The following CCDC83 variants were observed in gnomAD, a reference collection of about 807,000 sequenced individuals.
CCDC83 encodes the protein coiled-coil domain containing 83.
In CCDC83, 54 loss-of-function variants were observed where a neutral mutation model predicts 50.1. The ratio of observed to expected loss-of-function variants is 1.08; its 90% CI spans 0.87 to 1.35. CCDC83 has a LOEUF of 1.35. CCDC83 is among the 40% of genes most tolerant of loss of function. The pLI is 0.00. For missense variants in CCDC83, 518 were observed against 473.9 expected (o/e 1.09, Z -0.86); for synonymous variants, 161 against 153.3 (o/e 1.05, Z -0.37).
Position 85,895,638 on chromosome 11 carries a change from T to C in CCDC83, c.603+254T>C, listed in dbSNP as rs531596163. On this transcript the variant is annotated intron_variant, in intron 6 of 10. Transcript: ENST00000342404. Reference sequence around the variant, plus strand: ...TGAAGTTAGACAGTTTGAGTTTAAATCACAGTTCTACACTTACTGGCTGTA... The same window carrying C: ...TGAAGTTAGACAGTTTGAGTTTAAACCACAGTTCTACACTTACTGGCTGTA... 5.3e-5 allele frequency among the ~76,000 whole-genome samples: 8 copies of C among 152,310 alleles called. No homozygotes were observed. In the South Asian group the frequency reaches 1.7e-3, roughly 32 times the overall value.
At chr11:85,876,494 CTTCCT>C (rs2093269968) in intron 3 of CCDC83, among the ~76,000 whole-genome samples, 2 of 152,056 alleles carry the variant, frequency 1.3e-5, no homozygotes. Flanking sequence ...GTTTTGGCAA[CTTCCT>C]TTCTTGTTTT....
At chr11:85,915,933 T>C in intron 9 of CCDC83, 95 bp from the exon 10 acceptor site, 1 of 841,002 alleles carries the variant, frequency 1.2e-6, no homozygotes, top group South Asian at 1.5e-5. Flanking sequence ...TTCTCAAAGT[T>C]CCATCCAATT....
At chr11:85,887,742 C>T (rs1476424319) in intron 5 of CCDC83, among the ~76,000 whole-genome samples, 2 of 150,402 alleles carry the variant, frequency 1.3e-5, no homozygotes, top group Admixed American at 1.3e-4. Context: ...GAACATCCTT[C>T]TAAATCAGTA....
chr11:85,896,298 C>CA (rs2093374950), intron 6 of CCDC83, among the ~76,000 whole-genome samples: 1 of 147,294 alleles, frequency 6.8e-6, no homozygotes, highest in African/African-American at 2.5e-5. Context: ...CTACTTGGGG[C>CA]ACTGAGGTGG....
chr11:85,904,601 C>A (rs1408868850), intron 7 of CCDC83, among the ~76,000 whole-genome samples: 2 of 152,210 alleles, frequency 1.3e-5, no homozygotes, highest in African/African-American at 4.8e-5. Context: ...AAATGTACAT[C>A]TTCAGCACAA....
chr11:85,861,452 C>A (rs1234857117), intron 1 of CCDC83, among the ~76,000 whole-genome samples: 4 of 152,194 alleles, frequency 2.6e-5, no homozygotes, highest in Non-Finnish European at 5.9e-5. Flanking sequence ...ACTCCTAGCA[C>A]CCAAATAGAG....
intron 2 of CCDC83, among the ~76,000 whole-genome samples, chr11:85,869,121 C>T (rs1043041764): frequency 3.3e-5 from 5 of 152,162 alleles, no homozygotes; most frequent in Non-Finnish European, 7.3e-5. Context: ...TGATGAAATG[C>T]CCACCAATAA....
intron 8 of CCDC83, among the ~76,000 whole-genome samples, chr11:85,914,175 GA>G (rs1382237233): frequency 6.6e-6 from 1 of 152,150 alleles, no homozygotes; most frequent in Admixed American, 6.5e-5. Flanking sequence ...GTATTTGCTG[GA>G]GCCATTAGCA....
intron 5 of CCDC83, among the ~76,000 whole-genome samples, chr11:85,890,344 G>T (rs2135062255): frequency 6.6e-6 from 1 of 152,340 alleles, no homozygotes; most frequent in South Asian, 2.1e-4. Context: ...TTATGAGAGA[G>T]AGTTGGGGAA....
chr11:85,861,998 TAA>T (rs34372795), intron 1 of CCDC83, among the ~76,000 whole-genome samples: 14 of 94,798 alleles, frequency 1.5e-4, no homozygotes, highest in South Asian at 7.1e-4. Flanking sequence ...CCTGTCTCAT[TAA>T]AAAAAAAAAA....
intron 3 of CCDC83, among the ~76,000 whole-genome samples, chr11:85,878,345 TG>T (rs2093279708): frequency 6.6e-6 from 1 of 152,232 alleles, no homozygotes. Context: ...CTCCCAGTTC[TG>T]CCCCCTCATT....
chr11:85,898,029 G>A lies in CCDC83; in HGVS notation c.604-918G>A, dbSNP rs2093383129. Among the ~76,000 whole-genome samples the A allele has an allele frequency of 2.0e-5, 3 of 151,792 alleles. No homozygotes were observed. The South Asian group carries it at 6.2e-4, about 32-fold the overall frequency. ...AAAACTTGGCCAGGCACAGTGGTGG[G>A]CGCCTGTAATCCCAGCTACTCAGGA... On this transcript the variant is annotated intron_variant, in intron 6 of 10. Coordinates refer to ENST00000342404, the MANE Select transcript of CCDC83 (RefSeq NM_001286159.2).
In CCDC83 at chr11:85,882,505, C is replaced by T; in HGVS notation, c.181-8C>T. The T allele has an allele frequency of 1.2e-6, 2 of 1,612,122 alleles. No individual in the cohort carries two copies. The highest frequency in any genetic ancestry group is 8.5e-7 in the Non-Finnish European group (1 of 1,179,116). The stretch of plus-strand genomic sequence containing the variant: ...TCAAACGTGAATTACTGTTGATTTT[C>T]ATGACAGAATAGCCGCTTAAAAGAA... On this transcript the variant is annotated splice_polypyrimidine_tract_variant and splice_region_variant and intron_variant, in intron 3 of 10. Coordinates refer to ENST00000342404, the MANE Select transcript of CCDC83 (RefSeq NM_001286159.2).
chr11:85,911,969 CA>C lies in CCDC83; in HGVS notation c.794+577del, dbSNP rs572930254. Among the ~76,000 whole-genome samples, 649 of 144,884 alleles carry C rather than the reference CA, an allele frequency of 4.5e-3. 4 individuals carry two copies. Among genetic ancestry groups the C allele is most frequent in the South Asian group, 0.014 (63 of 4,552 alleles). ...TTGGTTAGCTGTCTTCCTTATCTGA[CA>C]AAAAAAAAAGTCTTAATATATTTAT... On this transcript the variant is annotated intron_variant, in intron 8 of 10. Transcript: ENST00000342404.
At chr11:85,905,969 CAAAAAAAAAA>C (rs760367430) in intron 7 of CCDC83, among the ~76,000 whole-genome samples, 4 of 47,638 alleles carry the variant, frequency 8.4e-5, no homozygotes, top group Middle Eastern at 9.8e-3. Flanking sequence ...GACTCCGTCT[CAAAAAAAAAA>C]AAAAAAAAAA....
Position 85,901,068 on chromosome 11 carries a change from A to AT in CCDC83, c.672+2053_672+2054insT, listed in dbSNP as rs1447436901. On this transcript the variant is annotated intron_variant, in intron 7 of 10. Coordinates refer to ENST00000342404, the MANE Select transcript of CCDC83 (RefSeq NM_001286159.2). ...CGACAGAGCGAGACCCTGTCTAAAA[A>AT]AAAAAAAAAAAATTCTGGCCAGACA... Among the ~76,000 whole-genome samples, 144 of 151,980 alleles carry AT rather than the reference A, an allele frequency of 9.5e-4. 2 individuals carry two copies. The highest frequency in any genetic ancestry group is 3.4e-3 in the African/African-American group (139 of 41,416).
rs1373554704 is a variant in CCDC83 at position 85,895,471 on chromosome 11, T to C, written c.603+87T>C. The stretch of plus-strand genomic sequence containing the variant: ...GGTATATTATAGTGGTTAAGAACTT[T>C]GGATAGATTCTCAGATTTGGGATGC... On this transcript the variant is annotated intron_variant, in intron 6 of 10. Coordinates refer to ENST00000342404, the MANE Select transcript of CCDC83 (RefSeq NM_001286159.2). The C allele has an allele frequency of 6.7e-6, 5 of 744,180 alleles. No individual in the cohort carries two copies. In the Admixed American group the frequency reaches 1.2e-4, roughly 18 times the overall value. 46.1% of individuals were successfully genotyped at this position (744,180 alleles called of 1,614,324 possible). A position where few individuals can be genotyped will look rare whatever the true frequency, so the allele number is the denominator to read the frequency against.
chr11:85,909,898 A>G (rs2093445282), intron 7 of CCDC83, among the ~76,000 whole-genome samples: 1 of 152,130 alleles, frequency 6.6e-6, no homozygotes, highest in Non-Finnish European at 1.5e-5. Context: ...GTAAACATTA[A>G]GCCTGCTATG....
intron 1 of CCDC83, among the ~76,000 whole-genome samples, chr11:85,856,985 A>G (rs1461635970): frequency 6.6e-6 from 1 of 152,210 alleles, no homozygotes; most frequent in Admixed American, 6.5e-5. Flanking sequence ...CAAAACGAAT[A>G]AACTACCTGG....
Sources: gnomAD v4.1 joint callset for allele counts (sites outside exome capture counted in the v4.1 genomes callset) on GRCh38, gnomAD v4.1.1 for gene constraint, MANE v1.5 for transcripts, NCBI Gene and HGNC (gene_info 2026-07-23, HGNC 2026-07-21) for gene names.